IQSEC1: variants seen among roughly 807,000 people sequenced by gnomAD.
IQSEC1 encodes IQ motif and SEC7 domain-containing protein 1.
A neutral mutation model predicts 91.0 loss-of-function variants in IQSEC1; 31 were observed. The ratio of observed to expected loss-of-function variants is 0.34; its 90% CI spans 0.26 to 0.46. IQSEC1 has a LOEUF of 0.46. Among genes scored for constraint, IQSEC1 ranks in the 20% least tolerant of loss-of-function variants. IQSEC1 has a pLI of 1.00. For synonymous variants in IQSEC1, 699 were observed against 662.6 expected (o/e 1.05, Z -0.84); for missense variants, 1,388 against 1,575.6 (o/e 0.88, Z 2.02).
At chr3:13,124,621 C>T (rs932985034) in intron 2 of IQSEC1, among the ~76,000 whole-genome samples, 1 of 152,216 alleles carries the variant, frequency 6.6e-6, no homozygotes, top group Non-Finnish European at 1.5e-5. Context: ...GACATCCATG[C>T]TGTGGTGGCT....
chr3:13,206,504 A>C (rs1165961415), intron 1 of IQSEC1, among the ~76,000 whole-genome samples: 1 of 152,242 alleles, frequency 6.6e-6, no homozygotes, highest in East Asian at 1.9e-4. Context: ...TGTAGTTGAT[A>C]TGTTCATCTC....
intron 1 of IQSEC1, among the ~76,000 whole-genome samples, chr3:13,191,646 G>T (rs898951733): frequency 2.6e-5 from 4 of 152,270 alleles, no homozygotes; most frequent in East Asian, 1.9e-4. Flanking sequence ...CCCAAAACTG[G>T]TTTTTTATCT....
intron 1 of IQSEC1, among the ~76,000 whole-genome samples, chr3:13,233,424 C>G (rs1694869258): frequency 6.6e-6 from 1 of 152,238 alleles, no homozygotes; most frequent in South Asian, 2.1e-4. Context: ...GGCCCCTGTT[C>G]TGGCTGTGCT....
intron 1 of IQSEC1, among the ~76,000 whole-genome samples, chr3:12,947,026 G>A (rs777112916): frequency 6.6e-6 from 1 of 152,214 alleles, no homozygotes; most frequent in Non-Finnish European, 1.5e-5. Flanking sequence ...ATGTGAGATG[G>A]ACTCTATTTG....
intron 1 of IQSEC1, among the ~76,000 whole-genome samples, chr3:13,270,088 G>A (rs1695568340): frequency 6.6e-6 from 1 of 152,178 alleles, no homozygotes; most frequent in African/African-American, 2.4e-5. Flanking sequence ...CAAGGTGCCG[G>A]ATGTGTGAGT....
rs527993193 is a variant in IQSEC1, at chr3:13,006,507, C to T, written c.24-64642G>A. Among the ~76,000 whole-genome samples, 15 of 152,352 alleles carry T rather than the reference C, an allele frequency of 9.8e-5. No homozygotes were observed. In the South Asian group the frequency reaches 3.1e-3, roughly 32 times the overall value. On this transcript the variant is annotated intron_variant, in intron 1 of 13. Coordinates refer to ENST00000613206, the MANE Select transcript of IQSEC1 (RefSeq NM_001134382.3). ...CCGCCAGCCAGCATCCACTGGCAGA[C>T]ATGGGAGTGGGGCCTTCTTGGAACT...
Position 12,899,936 on chromosome 3 carries a change from T to C in IQSEC1, c.*1047A>G. ...GGTGCCCCTCTCGGAGGACTCTGAATGAGTGTGCGTCAAATCATATGCGCA... is the reference window on the plus strand; with the variant it reads ...GGTGCCCCTCTCGGAGGACTCTGAACGAGTGTGCGTCAAATCATATGCGCA... On this transcript the variant is annotated 3_prime_UTR_variant, in exon 14 of 14. Transcript: ENST00000613206. 2 of 985,212 alleles carry C rather than the reference T, an allele frequency of 2.0e-6. No individual in the cohort carries two copies. Among genetic ancestry groups the C allele is most frequent in the Non-Finnish European group, 2.4e-6 (2 of 829,866 alleles). The allele number at this position is 985,212 out of a possible 1,614,324, so 61.0% of individuals were successfully genotyped here. A position where few individuals can be genotyped will look rare whatever the true frequency, so the allele number is the denominator to read the frequency against.
intron 1 of IQSEC1, among the ~76,000 whole-genome samples, chr3:13,005,447 A>G (rs1282847000): frequency 1.3e-5 from 2 of 152,190 alleles, no homozygotes; most frequent in Admixed American, 1.3e-4. Context: ...CCAAGGCAGC[A>G]GCTGGGCCAA....
chr3:13,041,537 AG>A (rs1375297555), intron 1 of IQSEC1, among the ~76,000 whole-genome samples: 3 of 152,334 alleles, frequency 2.0e-5, no homozygotes, highest in Middle Eastern at 3.4e-3. Context: ...TCCCTCCTCC[AG>A]GTCTTTAATA....
At chr3:13,014,757 C>T (rs901997847) in intron 1 of IQSEC1, among the ~76,000 whole-genome samples, 2 of 152,142 alleles carry the variant, frequency 1.3e-5, no homozygotes, top group African/African-American at 4.8e-5. Context: ...AGAGGTCAGG[C>T]TCAGGGGTTA....
chr3:12,966,800 C>G (rs1464204483), intron 1 of IQSEC1, among the ~76,000 whole-genome samples: 1 of 152,190 alleles, frequency 6.6e-6, no homozygotes. Flanking sequence ...ACACCTGGGA[C>G]GCCTGTTTGT....
At position 12,967,704 on chromosome 3, in the gene IQSEC1, C is replaced by G. The variant is rs1019130827; in HGVS notation, c.24-25839G>C. The G allele has an allele frequency of 8.8e-7, 1 of 1,131,682 alleles. No individual in the cohort carries two copies. The highest frequency in any genetic ancestry group is 1.1e-6 in the Non-Finnish European group (1 of 925,608). 70.1% of individuals were successfully genotyped at this position (1,131,682 alleles called of 1,614,324 possible). A position where few individuals can be genotyped will look rare whatever the true frequency, so the allele number is the denominator to read the frequency against. ...CCGCCCGCTTGGCGCAGCGCGAGGC[C>G]GGGCCGGAGGAATGTGGCCCTGAAG... On this transcript the variant is annotated intron_variant, in intron 1 of 13. Coordinates refer to ENST00000613206, the MANE Select transcript of IQSEC1 (RefSeq NM_001134382.3). The surrounding 1 kb of genome is among the most constrained non-coding windows in gnomAD (Gnocchi z 5.9).
chr3:13,138,365 G>A (rs979266038), intron 2 of IQSEC1, among the ~76,000 whole-genome samples: 12 of 151,944 alleles, frequency 7.9e-5, no homozygotes, highest in African/African-American at 2.4e-4. Context: ...GGTGCCTCCC[G>A]AGAGGAGCGG....
chr3:13,191,423 T>C (rs1477885399), intron 1 of IQSEC1, among the ~76,000 whole-genome samples: 4 of 151,126 alleles, frequency 2.6e-5, no homozygotes, highest in African/African-American at 9.7e-5. Context: ...CCACCAGGAC[T>C]CGTGAGCACA....
At chr3:13,166,104 C>G (rs983029579) in intron 1 of IQSEC1, among the ~76,000 whole-genome samples, 2 of 152,208 alleles carry the variant, frequency 1.3e-5, no homozygotes, top group African/African-American at 4.8e-5. Context: ...TGCCTCTGCT[C>G]TTAGGGTAAC....
intron 1 of IQSEC1, among the ~76,000 whole-genome samples, chr3:12,987,660 C>G (rs1362314540): frequency 6.6e-6 from 1 of 152,104 alleles, no homozygotes; most frequent in African/African-American, 2.4e-5. Context: ...AAAAGGCAGG[C>G]AGGAGGGAGG....
At position 12,941,695 on chromosome 3, in the gene IQSEC1, G is replaced by GTGCGC; in HGVS notation, c.189_193dup (p.Thr65SerfsTer48). The GTGCGC allele has an allele frequency of 6.2e-7, 1 of 1,612,806 alleles. No individual in the cohort carries two copies. Among genetic ancestry groups the GTGCGC allele is most frequent in the Non-Finnish European group, 8.5e-7 (1 of 1,179,964 alleles). ...CGAGTGCTGCAGCTTGGGCCTCCGC[G>GTGCGC]TGCGCTGCTGTTGCCCCGGCGGCCC... is the stretch of plus-strand genomic sequence containing the variant. On this transcript the variant is annotated frameshift_variant, in exon 2 of 14. Coordinates refer to ENST00000613206, the MANE Select transcript of IQSEC1 (RefSeq NM_001134382.3). LOFTEE classifies it high-confidence loss of function.
At chr3:13,272,216 C>T (rs1005903224) in intron 1 of IQSEC1, among the ~76,000 whole-genome samples, 4 of 152,142 alleles carry the variant, frequency 2.6e-5, no homozygotes, top group Non-Finnish European at 4.4e-5. Context: ...TTTGTTTTGC[C>T]TCAGTTCCCC....
At chr3:13,082,885 G>A (rs948939217) in intron 2 of IQSEC1, among the ~76,000 whole-genome samples, 4 of 152,120 alleles carry the variant, frequency 2.6e-5, no homozygotes, top group Non-Finnish European at 4.4e-5. Flanking sequence ...AGCTCTTCCC[G>A]GCCCCAGGGC....
Sources: gnomAD v4.1 joint callset for allele counts (sites outside exome capture counted in the v4.1 genomes callset) on GRCh38, gnomAD v4.1.1 for gene constraint, Gnocchi (gnomAD v3.1) non-coding constraint, MANE v1.5 for transcripts, NCBI Gene and HGNC (gene_info 2026-07-23, HGNC 2026-07-21) for gene names.